Variants in FDFT1 observed in about 807,000 individuals in gnomAD.
FDFT1 encodes the protein farnesyl-diphosphate farnesyltransferase 1.
A neutral mutation model predicts 46.8 loss-of-function variants in FDFT1; 68 were observed. The ratio of observed to expected loss-of-function variants is 1.45; its 90% CI spans 1.19 to 1.78. The LOEUF (loss-of-function observed/expected upper bound fraction) is 1.78. Among genes scored for constraint, FDFT1 ranks in the 40% most tolerant of loss-of-function variants. The probability of loss-of-function intolerance (pLI) is 0.00; values close to 1 mark genes in which losing one functional copy is unlikely to be tolerated. For synonymous variants in FDFT1, 351 were observed against 185.1 expected (o/e 1.90, Z -7.28); for missense variants, 928 against 524.4 (o/e 1.77, Z -7.52).
chr8:11,827,833 A>T lies in FDFT1; in HGVS notation c.702+1618A>T, dbSNP rs1692799. ...AGGTAGGAAGATCACTGAAGCCAGG[A>T]TATCGAGACCAGCCTGGACAACGTA... is the stretch of plus-strand genomic sequence containing the variant. On this transcript the variant is annotated intron_variant, in intron 5 of 7. Coordinates refer to ENST00000220584, the MANE Select transcript of FDFT1 (RefSeq NM_004462.5). Among the ~76,000 whole-genome samples, 15 of 151,848 alleles carry T rather than the reference A, an allele frequency of 9.9e-5. No homozygotes were observed. The South Asian group carries it at 1.0e-3, about 11-fold the overall frequency.
chr8:11,836,573 T>A (rs1811563109), intron 7 of FDFT1, among the ~76,000 whole-genome samples: 1 of 152,244 alleles, frequency 6.6e-6, no homozygotes, highest in African/African-American at 2.4e-5. Context: ...TGCCTTCTGT[T>A]TCACTTCTCC....
In FDFT1 at chr8:11,838,435, G is replaced by C. The variant is rs1179146571; in HGVS notation, c.1080G>C (p.Arg360Ser). ...CAGACCCATCTTCTAGCAAAACAAG[G>C]CAGATCATCTCCACCATCCGGACGC... is the stretch of plus-strand genomic sequence containing the variant. ...PDSDPSSSKT[R>S]QIISTIRTQN... is the part of the protein sequence containing the mutation. Residue 360 changes from arginine to serine, a missense_variant, in exon 8 of 8, where the codon AGG becomes AGC. Physicochemically the swap from Arg to Ser is moderately radical, Grantham distance 110. Transcript: ENST00000220584. 2 of 1,612,126 alleles carry C rather than the reference G, an allele frequency of 1.2e-6. No individual in the cohort carries two copies.
intron 4 of FDFT1, among the ~76,000 whole-genome samples, chr8:11,825,686 C>A (rs1304653119): frequency 2.4e-4 from 35 of 144,648 alleles, no homozygotes; most frequent in Admixed American, 3.4e-4. Flanking sequence ...GACTCCATCT[C>A]AAAAAAAAAA....
intron 1 of FDFT1, among the ~76,000 whole-genome samples, chr8:11,804,588 A>G: frequency 7.1e-6 from 1 of 140,142 alleles, no homozygotes; most frequent in Middle Eastern, 3.8e-3. Context: ...ACTTAACATT[A>G]TCTTAGTTTC....
intron 7 of FDFT1, among the ~76,000 whole-genome samples, chr8:11,837,963 T>G (rs1413028804): frequency 6.6e-6 from 1 of 152,216 alleles, no homozygotes; most frequent in East Asian, 1.9e-4. Flanking sequence ...AGCTGTGGTC[T>G]GTACTGCGTG....
At chr8:11,798,259 C>CAT (rs1336522734), upstream of FDFT1, 1 of 152,144 alleles carries the variant, frequency 6.6e-6, no homozygotes, top group African/African-American at 2.4e-5. Flanking sequence ...GGGGTTTCAC[C>CAT]ATGTTAGCCA....
chr8:11,822,074 C>T (rs1393186311), intron 4 of FDFT1, among the ~76,000 whole-genome samples, 196 bp downstream of exon 4: 1 of 152,174 alleles, frequency 6.6e-6, no homozygotes, highest in Non-Finnish European at 1.5e-5. Context: ...TGTAGGATAT[C>T]AGCCAGGCTA....
chr8:11,812,387 G>C (rs964570207), intron 3 of FDFT1, among the ~76,000 whole-genome samples: 1 of 152,202 alleles, frequency 6.6e-6, no homozygotes, highest in African/African-American at 2.4e-5. Flanking sequence ...TGTTGTGGAT[G>C]GATCCTGGCA....
Position 11,809,237 on chromosome 8 carries a change from C to A in FDFT1, c.197+346C>A, listed in dbSNP as rs541216196. On this transcript the variant is annotated intron_variant, in intron 2 of 7. Transcript: ENST00000220584. ...CTATTTCTAGCATATTGGGTTGATT[C>A]TTTTGAAGCTGCCTCTGTGCACATT... 12 of 1,152,894 alleles carry A rather than the reference C, an allele frequency of 1.0e-5. No homozygotes were observed. The East Asian group carries it at 3.8e-4, about 37-fold the overall frequency. 71.4% of individuals were successfully genotyped at this position (1,152,894 alleles called of 1,614,324 possible).
At chr8:11,806,489 A>T (rs1247450277) in intron 1 of FDFT1, among the ~76,000 whole-genome samples, 1 of 152,132 alleles carries the variant, frequency 6.6e-6, no homozygotes, top group Non-Finnish European at 1.5e-5. Flanking sequence ...CTGGAGGAGT[A>T]AGTGGCTTGG....
At chr8:11,803,566 T>G in intron 1 of FDFT1, 1 of 985,256 alleles carries the variant, frequency 1.0e-6, no homozygotes, top group South Asian at 1.7e-5. Flanking sequence ...ATGCCTGTAC[T>G]ATTTGTTTAA....
At chr8:11,809,020 G>C (rs1807324496) in intron 2 of FDFT1, 129 bp downstream of exon 2, 31 of 1,418,970 alleles carry the variant, frequency 2.2e-5, no homozygotes, top group Non-Finnish European at 2.7e-5. Flanking sequence ...CCAGAACATA[G>C]CCCGGCCCTA....
chr8:11,817,885 T>C (rs1808680626), intron 3 of FDFT1, among the ~76,000 whole-genome samples: 1 of 152,084 alleles, frequency 6.6e-6, no homozygotes, highest in Non-Finnish European at 1.5e-5. Context: ...ATCTTAGTTA[T>C]TTCTTGCCTT....
chr8:11,801,948 C>T (rs1435117447), upstream of FDFT1: 7 of 455,290 alleles, frequency 1.5e-5, no homozygotes, highest in East Asian at 1.4e-4. Flanking sequence ...CTTGGCCTCC[C>T]AAAGTGTTGC....
At chr8:11,804,065 T>C (rs759391385) in intron 1 of FDFT1, among the ~76,000 whole-genome samples, 5 of 152,242 alleles carry the variant, frequency 3.3e-5, no homozygotes, top group African/African-American at 4.8e-5. Context: ...CAGTTGTATA[T>C]CAGATAGTGT....
rs1203733813 is a variant in FDFT1 at position 11,838,503 on chromosome 8, C to A, written c.1148C>A (p.Ser383Tyr). ...NCQLISRSHYSPIYLSFVMLL... is the reference protein window; with the variant it reads ...NCQLISRSHYYPIYLSFVMLL... ...CAGCTGATTTCCCGAAGCCACTACT[C>A]CCCCATCTACCTGTCGTTTGTCATG... The change falls in exon 8 of 8, where the codon TCC (serine) becomes TAC (tyrosine). Residue 383 changes from serine to tyrosine, a missense_variant. By Grantham distance (144) the Ser-to-Tyr change is moderately radical. Coordinates refer to ENST00000220584, the MANE Select transcript of FDFT1 (RefSeq NM_004462.5). The A allele has an allele frequency of 6.2e-7, 1 of 1,606,768 alleles. No individual in the cohort carries two copies. Among genetic ancestry groups the A allele is most frequent in the African/African-American group, 1.3e-5 (1 of 74,740 alleles).
At position 11,838,807 on chromosome 8, in the gene FDFT1, A is replaced by T. The variant is rs1811934967; in HGVS notation, c.*198A>T. The T allele has an allele frequency of 3.4e-6, 2 of 585,824 alleles. No homozygotes were observed. The highest frequency in any genetic ancestry group is 1.9e-5 in the South Asian group (1 of 51,616). The allele number at this position is 585,824 out of a possible 1,614,324, so 36.3% of individuals were successfully genotyped here. On this transcript the variant is annotated 3_prime_UTR_variant, in exon 8 of 8. Transcript: ENST00000220584. ...AAGGAAAGGGTGCCTCATCCCAGCA[A>T]CCTGTCCTTGTGGGTGATGATCACT...
upstream of FDFT1, among the ~76,000 whole-genome samples, chr8:11,801,347 C>T (rs186243060): frequency 5.3e-5 from 8 of 152,258 alleles, 1 homozygote; most frequent in South Asian, 1.5e-3. Context: ...GAGATGAAGT[C>T]TCGCTCTTGT....
At chr8:11,812,115 C>T (rs991206518) in intron 3 of FDFT1, among the ~76,000 whole-genome samples, 2 of 152,192 alleles carry the variant, frequency 1.3e-5, no homozygotes, top group Non-Finnish European at 2.9e-5. Flanking sequence ...CTCCTCACTT[C>T]AGAGTGCCCC....
Sources: gnomAD v4.1 joint callset for allele counts (sites outside exome capture counted in the v4.1 genomes callset) on GRCh38, gnomAD v4.1.1 for gene constraint, MANE v1.5 for transcripts, NCBI Gene and HGNC (gene_info 2026-07-23, HGNC 2026-07-21) for gene names.